Variants in XKRX observed in about 807,000 individuals in gnomAD.
The protein encoded by XKRX is XK-related protein 2.
XKRX carries 11 observed loss-of-function variants against 22.4 expected under a neutral mutation model. The observed-to-expected ratio is 0.49, with a 90% CI of 0.31 to 0.81. XKRX has a LOEUF of 0.81. XKRX is among the 40% of genes least tolerant of loss of function. The pLI is 0.05. For missense variants in XKRX, 320 were observed against 336.5 expected (o/e 0.95, Z 0.38); for synonymous variants, 114 against 132.2 (o/e 0.86, Z 0.94).
chrX:100,906,633 G>T, the XKRX span, among the ~76,000 whole-genome samples: 1 of 111,752 alleles, frequency 8.9e-6, no homozygotes, highest in Non-Finnish European at 1.9e-5. Flanking sequence ...TTTTGTATTT[G>T]TTTCCTAGTG....
chrX:100,899,945 C>T, the XKRX span, among the ~76,000 whole-genome samples: 1 of 112,056 alleles, frequency 8.9e-6, no homozygotes, highest in Non-Finnish European at 1.9e-5. Context: ...AGATTCAATG[C>T]AATCCCTATC....
the XKRX span, among the ~76,000 whole-genome samples, chrX:100,945,882 C>T: frequency 2.8e-5 from 3 of 106,104 alleles, no homozygotes; most frequent in Admixed American, 1.0e-4. Context: ...AGTGAAACAA[C>T]GCACATAAAA....
upstream of XKRX, chrX:100,929,319 A>G (rs188329198): frequency 1.5e-4 from 17 of 111,835 alleles, no homozygotes; most frequent in East Asian, 4.8e-3. Flanking sequence ...GTTCCCGGGC[A>G]GGCGGCCAGC....
chrX:100,916,719 T>G (rs1340546308), intron 2 of XKRX, among the ~76,000 whole-genome samples: 1 of 112,919 alleles, frequency 8.9e-6, no homozygotes, highest in Non-Finnish European at 1.9e-5. Context: ...CCATGTTTTC[T>G]TCACTGCTGT....
At chrX:100,933,478 T>TAAAAA (rs368739515), upstream of XKRX, among the ~76,000 whole-genome samples, 2 of 50,517 alleles carry the variant, frequency 4.0e-5, no homozygotes, top group African/African-American at 1.3e-4. Flanking sequence ...AGATTCCGTC[T>TAAAAA]AAAAAAAAAA....
At chrX:100,893,060 G>C in the XKRX span, among the ~76,000 whole-genome samples, 5 of 112,235 alleles carry the variant, frequency 4.5e-5, no homozygotes, top group Admixed American at 2.8e-4. Context: ...ATTACACTAA[G>C]TGAAATAAGC....
chrX:100,904,282 G>GAAAC, the XKRX span, among the ~76,000 whole-genome samples: 5,472 of 110,707 alleles, frequency 0.049, 347 homozygotes, highest in African/African-American at 0.17. Context: ...TACACATGCA[G>GAAAC]AAACAAACAA....
At chrX:100,924,220 GA>G (rs1371817929) in intron 1 of XKRX, among the ~76,000 whole-genome samples, 4 of 108,414 alleles carry the variant, frequency 3.7e-5, no homozygotes, top group Non-Finnish European at 7.6e-5. Flanking sequence ...CAGATCAGAG[GA>G]AAAAAAATAT....
At chrX:100,937,356 A>G in the XKRX span, among the ~76,000 whole-genome samples, 1 of 111,825 alleles carries the variant, frequency 8.9e-6, no homozygotes, top group Non-Finnish European at 1.9e-5. Flanking sequence ...ATTGCTAGTC[A>G]GCTCTTATCA....
At chrX:100,919,179 T>C (rs2085459738) in intron 2 of XKRX, among the ~76,000 whole-genome samples, 1 of 111,962 alleles carries the variant, frequency 8.9e-6, no homozygotes, top group Non-Finnish European at 1.9e-5. Context: ...CTCAATGAAA[T>C]GTTTTTTTCT....
At chrX:100,939,545 CTG>C in the XKRX span, among the ~76,000 whole-genome samples, 1 of 111,690 alleles carries the variant, frequency 9.0e-6, no homozygotes, top group Non-Finnish European at 1.9e-5. Context: ...CTAGAAGCCT[CTG>C]TGTCAGTGAG....
the XKRX span, among the ~76,000 whole-genome samples, chrX:100,896,455 A>G: frequency 8.9e-6 from 1 of 112,186 alleles, no homozygotes; most frequent in Non-Finnish European, 1.9e-5. Flanking sequence ...AGTTTTTATC[A>G]TGTATCATCT....
upstream of XKRX, among the ~76,000 whole-genome samples, chrX:100,933,489 A>C (rs746051850): frequency 5.0e-4 from 55 of 109,925 alleles, 1 homozygote; most frequent in African/African-American, 1.8e-3. Context: ...AAAAAAAAAA[A>C]AAAAAAAAAA....
chrX:100,897,591 A>ATGTGTGTGTG, the XKRX span, among the ~76,000 whole-genome samples: 1 of 40,171 alleles, frequency 2.5e-5, no homozygotes, highest in African/African-American at 1.1e-4. Context: ...ACAAATATAT[A>ATGTGTGTGTG]TATGTGTGTG....
intron 2 of XKRX, among the ~76,000 whole-genome samples, chrX:100,917,072 T>C (rs1465309608): frequency 9.9e-5 from 11 of 111,311 alleles, no homozygotes; most frequent in African/African-American, 3.3e-4. Flanking sequence ...TGGGCCGTGA[T>C]TGCACCACTG....
chrX:100,917,634 G>GA (rs1556193289), intron 2 of XKRX, among the ~76,000 whole-genome samples: 1,324 of 48,842 alleles, frequency 0.027, 90 homozygotes, highest in African/African-American at 0.08. Flanking sequence ...GAGAAAGAAA[G>GA]AAGAAAGAAA....
intron 2 of XKRX, among the ~76,000 whole-genome samples, chrX:100,917,718 G>GAAAGAAAGAAAGAAAGA (rs1556194341): frequency 8.2e-5 from 7 of 85,758 alleles, no homozygotes; most frequent in African/African-American, 2.6e-4. Flanking sequence ...AAGAAAGAAA[G>GAAAGAAAGAAAGAAAGA]AAAGAAATCC....
At chrX:100,959,177 A>C in the XKRX span, among the ~76,000 whole-genome samples, 1 of 111,686 alleles carries the variant, frequency 9.0e-6, no homozygotes. Context: ...TTTTCGAGAG[A>C]ATCAAATGAG....
chrX:100,944,859 T>TA, the XKRX span, among the ~76,000 whole-genome samples: 1 of 111,224 alleles, frequency 9.0e-6, no homozygotes, highest in Non-Finnish European at 1.9e-5. Flanking sequence ...CTCACCAAGT[T>TA]AGTTTCCCAA....
Sources: gnomAD v4.1 joint callset for allele counts (sites outside exome capture counted in the v4.1 genomes callset) on GRCh38, gnomAD v4.1.1 for gene constraint, MANE v1.5 for transcripts, NCBI Gene and HGNC (gene_info 2026-07-23, HGNC 2026-07-21) for gene names.